The following KLHL21 variants were observed in gnomAD, a reference collection of about 807,000 sequenced individuals.
The protein encoded by KLHL21 is kelch like family member 21.
KLHL21 carries 42 observed loss-of-function variants against 44.1 expected under a neutral mutation model. The ratio of observed to expected loss-of-function variants is 0.95; its 90% CI spans 0.74 to 1.23. KLHL21 has a LOEUF of 1.23. Ranked by LOEUF, KLHL21 falls within the 50% of genes most tolerant of loss-of-function variation. The pLI, the probability that KLHL21 is intolerant of heterozygous loss-of-function variation, is 0.00. For missense variants in KLHL21, 918 were observed against 889.1 expected (o/e 1.03, Z -0.41); for synonymous variants, 524 against 411.6 (o/e 1.27, Z -3.31).
At chr1:6,601,326 G>A (rs1006203843) in intron 1 of KLHL21, among the ~76,000 whole-genome samples, 1 of 152,176 alleles carries the variant, frequency 6.6e-6, no homozygotes, top group Non-Finnish European at 1.5e-5. Context: ...CAAGCCCAAG[G>A]GAACCTTGTC....
Position 6,595,510 on chromosome 1 carries a change from C to A in KLHL21, c.1475G>T (p.Trp492Leu). The change falls in exon 3 of 4, where the codon TGG becomes TTG. Residue 492 changes from tryptophan to leucine, a missense_variant. Physicochemically the swap from Trp to Leu is moderately conservative, Grantham distance 61 (BLOSUM62 -2). Transcript: ENST00000377658. ...VDVYNPTRNE[W>L]DKIPSMNQVH... Reference sequence around the variant, plus strand: ...CTGATTCATGGACGGGATCTTGTCCCATTCGTTCCTCGTCGGGTTGTACAC... The same window carrying A: ...CTGATTCATGGACGGGATCTTGTCCAATTCGTTCCTCGTCGGGTTGTACAC... 6.2e-7 allele frequency: 1 copy of A among 1,614,206 alleles called. No individual in the cohort carries two copies. Among genetic ancestry groups the A allele is most frequent in the Non-Finnish European group, 8.5e-7 (1 of 1,180,032 alleles).
intron 2 of KLHL21, 66 bp from the exon 3 acceptor site, chr1:6,595,623 G>A: frequency 2.2e-6 from 3 of 1,387,396 alleles, no homozygotes; most frequent in Non-Finnish European, 2.0e-6. Context: ...TGCAGGGCTG[G>A]AGCAGAGTCC....
chr1:6,598,208 G>C (rs1162630449), intron 2 of KLHL21, among the ~76,000 whole-genome samples: 2 of 152,202 alleles, frequency 1.3e-5, no homozygotes, highest in African/African-American at 2.4e-5. Context: ...GGAAATGTGA[G>C]ACGATTGTTT....
At chr1:6,595,664 T>A in intron 2 of KLHL21, 107 bp from the exon 3 acceptor site, 1 of 890,012 alleles carries the variant, frequency 1.1e-6, no homozygotes, top group East Asian at 2.7e-5. Flanking sequence ...TCCAGTGACC[T>A]GGATCTTTCT....
At chr1:6,597,628 A>C (rs1262348414) in intron 2 of KLHL21, among the ~76,000 whole-genome samples, 1 of 152,162 alleles carries the variant, frequency 6.6e-6, no homozygotes, top group Non-Finnish European at 1.5e-5. Context: ...GCTCACTCCA[A>C]AAGCCTGGTA....
intron 1 of KLHL21, chr1:6,599,708 T>A (rs901740448): frequency 1.9e-6 from 1 of 526,362 alleles, no homozygotes; most frequent in African/African-American, 1.9e-5. Context: ...GCTGGAAGAA[T>A]CCAGCAGCCT....
intron 1 of KLHL21, among the ~76,000 whole-genome samples, chr1:6,600,288 C>T (rs1367356540): frequency 3.3e-5 from 5 of 152,130 alleles, no homozygotes; most frequent in African/African-American, 1.2e-4. Flanking sequence ...TGAAGTGATC[C>T]ACCCACCTTG....
At chr1:6,601,725 C>G (rs1557436624) in intron 1 of KLHL21, 72 bp downstream of exon 1, 1 of 1,466,750 alleles carries the variant, frequency 6.8e-7, no homozygotes, top group Non-Finnish European at 9.1e-7. Context: ...TGCGCTTCCC[C>G]CGCGAATAGC....
intron 3 of KLHL21, chr1:6,595,092 G>C: frequency 2.2e-6 from 1 of 457,582 alleles, no homozygotes. Context: ...ACCTCATGCT[G>C]ACTCTGCTCC....
At chr1:6,594,408 T>A (rs1640895771) in intron 3 of KLHL21, 1 of 152,292 alleles carries the variant, frequency 6.6e-6, no homozygotes, top group African/African-American at 2.4e-5. Context: ...TCAACACAAG[T>A]ATTCCCACAG....
At chr1:6,600,800 G>T (rs1394360724) in intron 1 of KLHL21, among the ~76,000 whole-genome samples, 1 of 152,236 alleles carries the variant, frequency 6.6e-6, no homozygotes, top group Admixed American at 6.5e-5. Flanking sequence ...TCAACTTGGG[G>T]ACAACCTTGG....
chr1:6,593,343 C>A lies in KLHL21; in HGVS notation c.*22G>T, dbSNP rs1479577221. On this transcript the variant is annotated 3_prime_UTR_variant, in exon 4 of 4. Coordinates refer to ENST00000377658, the MANE Select transcript of KLHL21 (RefSeq NM_014851.4). Reference sequence around the variant, plus strand: ...GAGGTGCCAGTTACCTGCACCGAGGCCCGTGCCGGGCCAGACTGGGGCTAG... The same window carrying A: ...GAGGTGCCAGTTACCTGCACCGAGGACCGTGCCGGGCCAGACTGGGGCTAG... The A allele has an allele frequency of 3.2e-6, 5 of 1,549,796 alleles. No homozygotes were observed. The Admixed American group carries it at 5.7e-5, about 18-fold the overall frequency.
intron 2 of KLHL21, among the ~76,000 whole-genome samples, chr1:6,596,537 CCTGG>C (rs1330198088): frequency 6.6e-6 from 1 of 152,252 alleles, no homozygotes; most frequent in African/African-American, 2.4e-5. Context: ...TAGACACGAG[CCTGG>C]CTGTGTGCCA....
rs569721860 is a variant in KLHL21 at position 6,600,316 on chromosome 1, G to A, written c.1022-864C>T. ...CCACCTTGATATCCCAAAGTGCTGG[G>A]ATTACAAAGAGCCACTGCACCCGGC... On this transcript the variant is annotated intron_variant, in intron 1 of 3. Transcript: ENST00000377658. Among the ~76,000 whole-genome samples, 385 of 152,248 alleles carry A rather than the reference G, an allele frequency of 2.5e-3. 1 individual carries two copies. The highest frequency in any genetic ancestry group is 8.2e-3 in the African/African-American group (341 of 41,528).
At chr1:6,599,694 C>T in intron 1 of KLHL21, 4 of 559,186 alleles carry the variant, frequency 7.2e-6, no homozygotes, top group Non-Finnish European at 9.6e-6. Flanking sequence ...GTCCTGAGTG[C>T]AATGCTGGAA....
chr1:6,602,760 T>G lies in KLHL21; in HGVS notation c.58A>C (p.Ser20Arg). 1 of 1,495,646 alleles carries G rather than the reference T, an allele frequency of 6.7e-7. No individual in the cohort carries two copies. Among genetic ancestry groups the G allele is most frequent in the East Asian group, 2.8e-5 (1 of 35,796 alleles). 92.6% of individuals were successfully genotyped at this position (1,495,646 alleles called of 1,614,324 possible). A position where few individuals can be genotyped will look rare whatever the true frequency, so the allele number is the denominator to read the frequency against. Residue 20 changes from serine to arginine, a missense_variant, in exon 1 of 4, where the codon AGC becomes CGC. Coordinates refer to ENST00000377658, the MANE Select transcript of KLHL21 (RefSeq NM_014851.4). ...LPFSDPAHAL[S>R]LLRGLSQLRA... ...AGCTGGCTCAGGCCGCGCAGCAGGC[T>G]CAGGGCGTGCGCGGGGTCCGAGAAG...
chr1:6,597,036 G>A (rs1217791516), intron 2 of KLHL21, among the ~76,000 whole-genome samples: 3 of 152,242 alleles, frequency 2.0e-5, no homozygotes, highest in Non-Finnish European at 2.9e-5. Context: ...CCCAAGCAGG[G>A]CCCCTGCATG....
Position 6,602,730 on chromosome 1 carries a change from C to A in KLHL21, c.88G>T (p.Ala30Ser). Residue 30 changes from alanine to serine, a missense_variant, in exon 1 of 4, where the codon GCC becomes TCC. Coordinates refer to ENST00000377658, the MANE Select transcript of KLHL21 (RefSeq NM_014851.4). ...SLLRGLSQLR[A>S]ERKFLDVTLE... The stretch of plus-strand genomic sequence containing the variant: ...GTCACGTCCAGGAACTTGCGCTCGG[C>A]GCGCAGCTGGCTCAGGCCGCGCAGC... The A allele has an allele frequency of 7.3e-6, 11 of 1,511,540 alleles. No homozygotes were observed. The highest frequency in any genetic ancestry group is 9.7e-6 in the Non-Finnish European group (11 of 1,137,474). 93.6% of individuals were successfully genotyped at this position (1,511,540 alleles called of 1,614,324 possible).
chr1:6,600,771 G>A (rs1474840716), intron 1 of KLHL21, among the ~76,000 whole-genome samples: 1 of 152,228 alleles, frequency 6.6e-6, no homozygotes, highest in East Asian at 1.9e-4. Flanking sequence ...TCAGAAGAGG[G>A]GAGGGACACG....
Sources: allele counts gnomAD v4.1 joint callset (sites outside exome capture counted in the v4.1 genomes callset), GRCh38; gene constraint gnomAD v4.1.1; transcripts MANE v1.5; gene names NCBI Gene and HGNC (gene_info 2026-07-23, HGNC 2026-07-21).